The following PDE4A variants were observed in gnomAD, a reference collection of about 807,000 sequenced individuals.
The protein encoded by PDE4A is phosphodiesterase 4A.
In PDE4A, 21 loss-of-function variants were observed where a neutral mutation model predicts 73.9. The ratio of observed to expected loss-of-function variants is 0.28; its 90% CI spans 0.20 to 0.41. The LOEUF is 0.41. Ranked by LOEUF, PDE4A falls within the 10% of genes least tolerant of loss-of-function variation. The pLI is 1.00. For missense variants in PDE4A, 958 were observed against 1,211.4 expected (o/e 0.79, Z 3.10); for synonymous variants, 463 against 505.4 (o/e 0.92, Z 1.13).
chr19:10,431,214 A>C (rs987015933), intron 1 of PDE4A: 18 of 638,110 alleles, frequency 2.8e-5, no homozygotes, highest in Non-Finnish European at 4.3e-5. Context: ...AGCGATCAAA[A>C]TCATCCCTGA....
intron 1 of PDE4A, 47 bp from the exon 2 acceptor site, chr19:10,446,171 A>G (rs1278148502): frequency 6.5e-7 from 1 of 1,538,918 alleles, no homozygotes; most frequent in Non-Finnish European, 8.8e-7. Flanking sequence ...TGACCTCCCT[A>G]ATAGCGTTTC....
At chr19:10,447,122 G>C (rs1332451590) in intron 2 of PDE4A, among the ~76,000 whole-genome samples, 1 of 139,100 alleles carries the variant, frequency 7.2e-6, no homozygotes, top group Non-Finnish European at 1.5e-5. Flanking sequence ...GGATGGTCTC[G>C]ATCTCCTGAC....
chr19:10,439,334 A>C (rs1208511106), intron 1 of PDE4A, among the ~76,000 whole-genome samples: 2 of 151,976 alleles, frequency 1.3e-5, no homozygotes, highest in Non-Finnish European at 2.9e-5. Flanking sequence ...GGTGCCTGCC[A>C]CCACGCCCAC....
chr19:10,461,124 G>A (rs752694026), intron 11 of PDE4A, 21 bp downstream of exon 11: 2 of 1,603,284 alleles, frequency 1.2e-6, no homozygotes, highest in Non-Finnish European at 8.5e-7. Context: ...CTCGCCAGGG[G>A]CGGGGTTTGC....
At chr19:10,456,468 G>A (rs564782481) in intron 7 of PDE4A, among the ~76,000 whole-genome samples, 1 of 152,108 alleles carries the variant, frequency 6.6e-6, no homozygotes, top group Non-Finnish European at 1.5e-5. Context: ...GGAGGTTGCA[G>A]TGAGCTGAGA....
chr19:10,467,417 C>T lies in PDE4A; in HGVS notation c.2457C>T (p.Pro819=), dbSNP rs753366122. Residue 819 remains proline, a synonymous_variant, in exon 15 of 15, where the codon CCC becomes CCT. Coordinates refer to ENST00000380702, the MANE Select transcript of PDE4A (RefSeq NM_001111307.2). ...SSPSALALQS[P]LLPAWRTLSV... Reference sequence around the variant, plus strand: ...CCTCTGCCCTGGCTCTTCAAAGCCCCCTTCTCCCTGCTTGGAGGACCCTGT... The same window carrying T: ...CCTCTGCCCTGGCTCTTCAAAGCCCTCTTCTCCCTGCTTGGAGGACCCTGT... 1.1e-5 allele frequency: 17 copies of T among 1,613,890 alleles called. No individual in the cohort carries two copies. The highest frequency in any genetic ancestry group is 1.3e-5 in the African/African-American group (1 of 74,928).
chr19:10,441,179 C>T (rs1408470756), intron 1 of PDE4A, among the ~76,000 whole-genome samples: 2 of 152,132 alleles, frequency 1.3e-5, no homozygotes, highest in African/African-American at 4.8e-5. Context: ...GGACTGCAGG[C>T]ACACACTGCC....
Position 10,432,546 on chromosome 19 carries a change from C to G in PDE4A, c.320+11462C>G, listed in dbSNP as rs1030399483. ...CCCCTTCAGCGATGAGGACACCCGT[C>G]GGCACCCTCCGGGCAGATCTGTCAG... is the stretch of plus-strand genomic sequence containing the variant. On this transcript the variant is annotated intron_variant, in intron 1 of 14. Coordinates refer to ENST00000380702, the MANE Select transcript of PDE4A (RefSeq NM_001111307.2). 3.3e-6 allele frequency: 5 copies of G among 1,524,378 alleles called. No individual in the cohort carries two copies. The African/African-American group carries it at 7.1e-5, about 22-fold the overall frequency. 94.4% of individuals were successfully genotyped at this position (1,524,378 alleles called of 1,614,324 possible).
intron 1 of PDE4A, among the ~76,000 whole-genome samples, chr19:10,441,030 G>C (rs1340655748): frequency 2.0e-5 from 3 of 151,478 alleles, no homozygotes; most frequent in Non-Finnish European, 2.9e-5. Context: ...GAGCCACCAG[G>C]CCTGGCCTAT....
intron 2 of PDE4A, 100 bp downstream of exon 2, chr19:10,446,509 C>G: frequency 7.1e-7 from 1 of 1,410,182 alleles, no homozygotes; most frequent in Non-Finnish European, 9.6e-7. Context: ...CCCTATCCTC[C>G]TCAGCACTCC....
At chr19:10,437,460 C>T (rs7260594) in intron 1 of PDE4A, among the ~76,000 whole-genome samples, 49,137 of 151,708 alleles carry the variant, frequency 0.32, 8,204 homozygotes, top group East Asian at 0.53. Flanking sequence ...CACTGTATCA[C>T]CCAGTCTGGA....
intron 1 of PDE4A, among the ~76,000 whole-genome samples, chr19:10,426,404 T>A (rs2042718616): frequency 6.6e-6 from 1 of 151,288 alleles, no homozygotes; most frequent in South Asian, 2.1e-4. Context: ...ACAATGAGAT[T>A]CTTTTTTTTT....
At chr19:10,461,349 C>A (rs1229164212) in intron 11 of PDE4A, 177 bp from the exon 12 acceptor site, 1 of 787,934 alleles carries the variant, frequency 1.3e-6, no homozygotes, top group Admixed American at 2.1e-4. Context: ...GGAGGCGGGG[C>A]TGGGGGCGGG....
In PDE4A at chr19:10,432,491, C is replaced by T. The variant is rs2042807868; in HGVS notation, c.320+11407C>T. 4 of 1,514,066 alleles carry T rather than the reference C, an allele frequency of 2.6e-6. No homozygotes were observed. In the East Asian group the frequency reaches 1.1e-4, roughly 43 times the overall value. 93.8% of individuals were successfully genotyped at this position (1,514,066 alleles called of 1,614,324 possible). A position where few individuals can be genotyped will look rare whatever the true frequency, so the allele number is the denominator to read the frequency against. ...CCCGGCCCCCTGCCCTGGCACTGCC[C>T]CCCACGGGCCCCGAGTCCCTGACCC... On this transcript the variant is annotated intron_variant, in intron 1 of 14. Transcript: ENST00000380702.
At chr19:10,442,832 ATAT>A (rs1255587983) in intron 1 of PDE4A, among the ~76,000 whole-genome samples, 1 of 148,792 alleles carries the variant, frequency 6.7e-6, no homozygotes, top group Non-Finnish European at 1.5e-5. Context: ...AATATCAGTA[ATAT>A]TATATATAGT....
chr19:10,464,132 C>G, intron 14 of PDE4A, 157 bp downstream of exon 14: 3 of 941,602 alleles, frequency 3.2e-6, no homozygotes, highest in Non-Finnish European at 4.8e-6. Flanking sequence ...GAGTCTCATT[C>G]TATTGCCCAG....
chr19:10,460,798 CAAAA>C (rs34675916), intron 10 of PDE4A: 69 of 103,386 alleles, frequency 6.7e-4, no homozygotes, highest in Non-Finnish European at 1.2e-3. Context: ...AACTCTGTCT[CAAAA>C]AAAAAAAAAA....
At position 10,467,417 on chromosome 19, in the gene PDE4A, C is replaced by G; in HGVS notation, c.2457C>G (p.Pro819=). Residue 819 remains proline, a synonymous_variant, in exon 15 of 15, where the codon CCC becomes CCG. Coordinates refer to ENST00000380702, the MANE Select transcript of PDE4A (RefSeq NM_001111307.2). Reference sequence around the variant, plus strand: ...CCTCTGCCCTGGCTCTTCAAAGCCCCCTTCTCCCTGCTTGGAGGACCCTGT... The same window carrying G: ...CCTCTGCCCTGGCTCTTCAAAGCCCGCTTCTCCCTGCTTGGAGGACCCTGT... The part of the protein sequence containing the change: ...SSPSALALQS[P]LLPAWRTLSV... 1.2e-6 allele frequency: 2 copies of G among 1,614,008 alleles called. No individual in the cohort carries two copies. The highest frequency in any genetic ancestry group is 1.7e-6 in the Non-Finnish European group (2 of 1,179,904).
intron 1 of PDE4A, chr19:10,432,525 T>C: frequency 1.3e-6 from 2 of 1,525,494 alleles, no homozygotes; most frequent in South Asian, 1.2e-5. Context: ...CCACTTCCCC[T>C]TCAGCGATGA....
Sources: allele counts gnomAD v4.1 joint callset (sites outside exome capture counted in the v4.1 genomes callset), GRCh38; gene constraint gnomAD v4.1.1; transcripts MANE v1.5; gene names NCBI Gene and HGNC (gene_info 2026-07-23, HGNC 2026-07-21).